The following SUCLG2 variants were observed in gnomAD, a reference collection of about 807,000 sequenced individuals.
SUCLG2 encodes the protein succinate--CoA ligase [GDP-forming] subunit beta, mitochondrial.
Under a neutral mutation model 47.9 loss-of-function variants are expected in SUCLG2, and 42 were observed. The observed-to-expected ratio is 0.88, with a 90% confidence interval of 0.69 to 1.14. SUCLG2 has a LOEUF of 1.14. Ranked by LOEUF, SUCLG2 falls within the 50% of genes most tolerant of loss-of-function variation. The probability of loss-of-function intolerance (pLI) is 0.00; values close to 1 mark genes in which losing one functional copy is unlikely to be tolerated. For missense variants in SUCLG2, 571 were observed against 525.9 expected (o/e 1.09, Z -0.84); for synonymous variants, 195 against 197.3 (o/e 0.99, Z 0.10).
At position 67,529,119 on chromosome 3, in the gene SUCLG2, A is replaced by T. The variant is rs1463164762; in HGVS notation, c.294T>A (p.Ser98Arg). The change falls in exon 3 of 11, where the codon AGT becomes AGA. Residue 98 changes from serine (S) to arginine (R), a missense_variant. Ser to Arg is a moderately radical substitution (Grantham distance 110). Transcript: ENST00000307227. Reference protein sequence around the residue: ...AGGRGKGVFNSGLKGGVHLTK... With the variant: ...AGGRGKGVFNRGLKGGVHLTK... ...TTAAATGAACACCTCCTTTCAAACC[A>T]CTATTGAAGACACCTTTTCCTCTTC... is the stretch of plus-strand genomic sequence containing the variant. 2 of 1,613,020 alleles carry T rather than the reference A, an allele frequency of 1.2e-6. No individual in the cohort carries two copies. Among genetic ancestry groups the T allele is most frequent in the Non-Finnish European group, 1.7e-6 (2 of 1,179,694 alleles).
intron 2 of SUCLG2, among the ~76,000 whole-genome samples, chr3:67,577,976 T>G (rs1490433016): frequency 2.6e-5 from 4 of 152,056 alleles, no homozygotes; most frequent in Non-Finnish European, 5.9e-5. Context: ...AAAAGCATCA[T>G]CAGTTGCAGA....
rs1704031208 is a variant in SUCLG2, at chr3:67,450,530, T to C, written c.1062+45268A>G. ...ACTGTATTGTGAAAATTTTCAAGTA[T>C]ACAGAGAAGTTGAAAAAAATTGAAC... is the stretch of plus-strand genomic sequence containing the variant. On this transcript the variant is annotated intron_variant, in intron 9 of 10. Transcript: ENST00000307227. Among the ~76,000 whole-genome samples the C allele has an allele frequency of 1.3e-5, 2 of 152,208 alleles. 1 individual carries two copies. The highest frequency in any genetic ancestry group is 4.1e-4 in the South Asian group (2 of 4,832).
intron 2 of SUCLG2, among the ~76,000 whole-genome samples, chr3:67,589,784 C>G (rs569067325): frequency 1.3e-5 from 2 of 152,292 alleles, no homozygotes; most frequent in South Asian, 2.1e-4. Context: ...CACAGTGAAG[C>G]TGGGGGCGGA....
intron 9 of SUCLG2, among the ~76,000 whole-genome samples, chr3:67,419,092 T>C (rs76689028): frequency 0.029 from 4,389 of 152,228 alleles, 213 homozygotes; most frequent in African/African-American, 0.1. Flanking sequence ...GCACGCTCAG[T>C]CATCTCTGTC....
At chr3:67,537,546 A>G (rs1162082326) in intron 2 of SUCLG2, among the ~76,000 whole-genome samples, 2 of 152,106 alleles carry the variant, frequency 1.3e-5, no homozygotes, top group Non-Finnish European at 2.9e-5. Context: ...GCATGTGTCT[A>G]TATAGTAGAA....
At chr3:67,491,970 G>A (rs1029162301) in intron 9 of SUCLG2, among the ~76,000 whole-genome samples, 1 of 152,118 alleles carries the variant, frequency 6.6e-6, no homozygotes, top group Non-Finnish European at 1.5e-5. Flanking sequence ...CCAGTAACTG[G>A]TAAAGACAAG....
intron 9 of SUCLG2, among the ~76,000 whole-genome samples, chr3:67,427,140 C>T (rs1703323122): frequency 6.6e-6 from 1 of 152,156 alleles, no homozygotes; most frequent in Non-Finnish European, 1.5e-5. Flanking sequence ...GTTCCAGTCA[C>T]CTAAAATAGC....
chr3:67,624,127 CA>C (rs1263076683), intron 1 of SUCLG2, among the ~76,000 whole-genome samples: 1 of 152,234 alleles, frequency 6.6e-6, no homozygotes, highest in Non-Finnish European at 1.5e-5. Context: ...GTTTAGGATA[CA>C]TTTGAGTTTA....
chr3:67,405,876 C>G (rs2106825388), intron 9 of SUCLG2, among the ~76,000 whole-genome samples: 1 of 152,276 alleles, frequency 6.6e-6, no homozygotes, highest in East Asian at 1.9e-4. Context: ...TGTATATGTA[C>G]TAACGCATTT....
chr3:67,529,953 T>G (rs1375692627), intron 2 of SUCLG2, among the ~76,000 whole-genome samples: 1 of 152,076 alleles, frequency 6.6e-6, no homozygotes, highest in Non-Finnish European at 1.5e-5. Context: ...GCAAACAGGG[T>G]AGCTCCCCTC....
At chr3:67,457,373 A>G (rs1391419410) in intron 9 of SUCLG2, among the ~76,000 whole-genome samples, 1 of 152,208 alleles carries the variant, frequency 6.6e-6, no homozygotes, top group African/African-American at 2.4e-5. Flanking sequence ...GGTGGGAAAC[A>G]TGTGCAGAAA....
chr3:67,514,030 C>G, intron 6 of SUCLG2: 1 of 349,342 alleles, frequency 2.9e-6, no homozygotes, highest in South Asian at 2.5e-5. Context: ...GGAAACCCAG[C>G]AGGCGCAAGC....
intron 9 of SUCLG2, 41 bp downstream of exon 9, chr3:67,495,757 T>C: frequency 6.2e-7 from 1 of 1,609,814 alleles, no homozygotes; most frequent in Non-Finnish European, 8.5e-7. Context: ...CGGTGAGAAA[T>C]TAAAACTGGC....
Position 67,360,899 on chromosome 3 carries a change from TC to T in SUCLG2, c.1184-132del, listed in dbSNP as rs535408975. On this transcript the variant is annotated intron_variant, in intron 10 of 10. Transcript: ENST00000493112. ...GGAAACATCGTGTTACTGATTCTTCTCCCACTGGAGGAATATGCTTTGAGGA... is the reference window on the plus strand; with the variant it reads ...GGAAACATCGTGTTACTGATTCTTCTCCACTGGAGGAATATGCTTTGAGGA... 2.1e-4 allele frequency: 165 copies of T among 771,518 alleles called. 2 individuals are homozygous for T. The South Asian group carries it at 5.2e-3, about 24-fold the overall frequency. The allele number at this position is 771,518 out of a possible 1,614,324, so 47.8% of individuals were successfully genotyped here.
At chr3:67,497,759 A>T (rs998096386) in intron 8 of SUCLG2, among the ~76,000 whole-genome samples, 2 of 152,318 alleles carry the variant, frequency 1.3e-5, no homozygotes, top group East Asian at 1.9e-4. Flanking sequence ...TGATTTTTGC[A>T]TACCACAGCC....
chr3:67,516,039 G>T (rs1024723191), intron 6 of SUCLG2, among the ~76,000 whole-genome samples: 2 of 151,726 alleles, frequency 1.3e-5, no homozygotes, highest in Non-Finnish European at 1.5e-5. Context: ...GATATCTACC[G>T]GTCTGTGAGC....
chr3:67,455,827 A>G (rs548403559), intron 9 of SUCLG2, among the ~76,000 whole-genome samples: 37 of 152,170 alleles, frequency 2.4e-4, no homozygotes, highest in Admixed American at 6.5e-4. Context: ...CAGTGTTTCA[A>G]TCCCGGCAAG....
chr3:67,430,344 G>A (rs1443948337), intron 9 of SUCLG2, among the ~76,000 whole-genome samples: 6 of 152,102 alleles, frequency 3.9e-5, no homozygotes, highest in South Asian at 2.1e-4. Context: ...CTGCTCCTGA[G>A]TGGCTACTGG....
chr3:67,563,692 G>A (rs1298853852), intron 2 of SUCLG2, among the ~76,000 whole-genome samples: 1 of 152,130 alleles, frequency 6.6e-6, no homozygotes, highest in East Asian at 1.9e-4. Context: ...GGGCGCGGTG[G>A]CTCATGTCTG....
Sources: allele counts gnomAD v4.1 joint callset (sites outside exome capture counted in the v4.1 genomes callset), GRCh38; gene constraint gnomAD v4.1.1; transcripts MANE v1.5; gene names NCBI Gene and HGNC (gene_info 2026-07-23, HGNC 2026-07-21).